Variants in ATF2 observed in about 807,000 individuals in gnomAD.
ATF2 encodes cyclic AMP-dependent transcription factor ATF-2.
A neutral mutation model predicts 60.6 loss-of-function variants in ATF2; 24 were observed. The ratio of observed to expected loss-of-function variants is 0.40; its 90% confidence interval spans 0.29 to 0.56. The LOEUF is 0.56. Ranked by LOEUF, ATF2 falls within the 20% of genes least tolerant of loss-of-function variation. ATF2 has a pLI of 0.54. For synonymous variants in ATF2, 206 were observed against 215.4 expected (o/e 0.96, Z 0.38); for missense variants, 433 against 607.7 (o/e 0.71, Z 3.02).
In ATF2 at chr2:175,074,405, C is replaced by T; in HGVS notation, c.*204G>A. 1 of 428,896 alleles carries T rather than the reference C, an allele frequency of 2.3e-6. No individual in the cohort carries two copies. Among genetic ancestry groups the T allele is most frequent in the African/African-American group, 2.0e-5 (1 of 49,276 alleles). 26.6% of individuals were successfully genotyped at this position (428,896 alleles called of 1,614,324 possible). ...AATCTAATAATATTTATAAAAAAAG[C>T]AAAATCAGTCTTTTTCCAGAGACTA... On this transcript the variant is annotated 3_prime_UTR_variant, in exon 14 of 14. Transcript: ENST00000264110.
At position 175,073,980 on chromosome 2, in the gene ATF2, A is replaced by G. The variant is rs1295542005; in HGVS notation, c.*629T>C. 1.3e-5 allele frequency: 2 copies of G among 152,198 alleles called. No individual in the cohort carries two copies. Among genetic ancestry groups the G allele is most frequent in the African/African-American group, 4.8e-5 (2 of 41,464 alleles). The allele number at this position is 152,198 out of a possible 1,614,324, so 9.4% of individuals were successfully genotyped here. A position where few individuals can be genotyped will look rare whatever the true frequency, so the allele number is the denominator to read the frequency against. ...TCTTAAATAAAAAAGGAAAATGATT[A>G]TAAATGACCTTGATTTAGCTTAACA... is the stretch of plus-strand genomic sequence containing the variant. On this transcript the variant is annotated 3_prime_UTR_variant, in exon 14 of 14. Coordinates refer to ENST00000264110, the MANE Select transcript of ATF2 (RefSeq NM_001880.4).
chr2:175,100,430 A>T (rs1695233834), intron 10 of ATF2, among the ~76,000 whole-genome samples: 1 of 152,178 alleles, frequency 6.6e-6, no homozygotes, highest in South Asian at 2.1e-4. Flanking sequence ...CATTGGTTTG[A>T]TCCCAGACAT....
intron 11 of ATF2, among the ~76,000 whole-genome samples, chr2:175,095,654 C>G (rs951475183): frequency 6.6e-6 from 1 of 152,092 alleles, no homozygotes; most frequent in Non-Finnish European, 1.5e-5. Flanking sequence ...TTCAGAAAAT[C>G]CTTATAGGAA....
At chr2:175,157,802 G>A (rs920549052) in intron 1 of ATF2, among the ~76,000 whole-genome samples, 15 of 152,202 alleles carry the variant, frequency 9.9e-5, no homozygotes, top group Middle Eastern at 3.4e-3. Flanking sequence ...AGACCAGCCT[G>A]GCCAAGATGG....
intron 4 of ATF2, among the ~76,000 whole-genome samples, chr2:175,122,795 A>G (rs1697061960): frequency 6.6e-6 from 1 of 152,046 alleles, no homozygotes; most frequent in African/African-American, 2.4e-5. Context: ...AATAAATGCT[A>G]ACTGAAAGAA....
chr2:175,153,835 G>GAA (rs71031093), intron 1 of ATF2, among the ~76,000 whole-genome samples: 1,961 of 128,976 alleles, frequency 0.015, 46 homozygotes, highest in Non-Finnish European at 0.021. Flanking sequence ...CTGCCTCAAA[G>GAA]AAAAAAAAAA....
In ATF2 at chr2:175,097,690, A is replaced by T. The variant is rs184228717; in HGVS notation, c.829-97T>A. 2.6e-4 allele frequency: 356 copies of T among 1,343,580 alleles called. 1 individual carries two copies. The African/African-American group carries it at 4.7e-3, about 18-fold the overall frequency. The allele number at this position is 1,343,580 out of a possible 1,614,324, so 83.2% of individuals were successfully genotyped here. On this transcript the variant is annotated intron_variant, in intron 10 of 13. Coordinates refer to ENST00000264110, the MANE Select transcript of ATF2 (RefSeq NM_001880.4). ...AATAGCACCTTGGGTAGTTTCCCTG[A>T]GTCCTTTTGCCTAGTACTACTAGAG...
Position 175,080,733 on chromosome 2 carries a change from T to G in ATF2, c.1218A>C (p.Ala406=). 1 of 1,613,156 alleles carries G rather than the reference T, an allele frequency of 6.2e-7. No individual in the cohort carries two copies. Among genetic ancestry groups the G allele is most frequent in the Non-Finnish European group, 8.5e-7 (1 of 1,179,380 alleles). The change falls in exon 13 of 14, where the codon GCA becomes GCC. Residue 406 remains alanine, a synonymous_variant. Transcript: ENST00000264110. The part of the protein sequence containing the change: ...SEVTLLRNEV[A]QLKQLLLAHK... ...GAGCCAGAAGAAGCTGTTTCAGCTG[T>G]GCCACTTCATTTCTCAGCAGGGTGA...
At chr2:175,156,377 C>T (rs374672593) in intron 1 of ATF2, among the ~76,000 whole-genome samples, 2 of 55,980 alleles carry the variant, frequency 3.6e-5, no homozygotes, top group Non-Finnish European at 7.3e-5. Context: ...TCTCAAAAAA[C>T]AAAAAAAAAA....
chr2:175,142,120 T>C (rs898682768), intron 2 of ATF2, among the ~76,000 whole-genome samples: 1 of 152,108 alleles, frequency 6.6e-6, no homozygotes, highest in African/African-American at 2.4e-5. Flanking sequence ...GAACACTTGC[T>C]TGATGTTCTG....
chr2:175,090,560 T>A (rs964235689), intron 12 of ATF2, among the ~76,000 whole-genome samples: 3 of 152,108 alleles, frequency 2.0e-5, no homozygotes, highest in African/African-American at 7.2e-5. Context: ...TCATTTTGGA[T>A]CCTATTTTAA....
chr2:175,136,495 CAA>C lies in ATF2; in HGVS notation c.-43-11_-43-10del, dbSNP rs1477469192. 4 of 1,535,510 alleles carry C rather than the reference CAA, an allele frequency of 2.6e-6. No individual in the cohort carries two copies. Among genetic ancestry groups the C allele is most frequent in the Non-Finnish European group, 3.6e-6 (4 of 1,117,216 alleles). On this transcript the variant is annotated splice_polypyrimidine_tract_variant and intron_variant, in intron 2 of 13. Coordinates refer to ENST00000264110, the MANE Select transcript of ATF2 (RefSeq NM_001880.4). ...TTCTCATGGCAAGAATACTGAAAAA[CAA>C]AGTGGTTTCACACTGTTAAAAATAG... is the stretch of plus-strand genomic sequence containing the variant.
chr2:175,125,417 C>A (rs1244186281), intron 4 of ATF2, among the ~76,000 whole-genome samples: 1 of 151,844 alleles, frequency 6.6e-6, no homozygotes, highest in East Asian at 1.9e-4. Context: ...CGAACACAGG[C>A]CCCCCTAAAA....
intron 5 of ATF2, 27 bp from the exon 6 acceptor site, chr2:175,118,396 T>C (rs1696729471): frequency 6.4e-7 from 1 of 1,562,736 alleles, no homozygotes; most frequent in African/African-American, 1.4e-5. Context: ...GAAGTAATCA[T>C]GCATATTTAA....
At chr2:175,130,425 C>A (rs1462111798) in intron 3 of ATF2, among the ~76,000 whole-genome samples, 1 of 152,068 alleles carries the variant, frequency 6.6e-6, no homozygotes, top group East Asian at 1.9e-4. Flanking sequence ...GTTAGGAACA[C>A]TGCTCTGTCA....
intron 1 of ATF2, among the ~76,000 whole-genome samples, chr2:175,154,398 C>T (rs978346869): frequency 1.3e-5 from 2 of 151,662 alleles, no homozygotes; most frequent in African/African-American, 4.8e-5. Context: ...AACATGGAGC[C>T]GTGATCACCT....
intron 5 of ATF2, among the ~76,000 whole-genome samples, chr2:175,119,897 G>C (rs1199605368): frequency 6.6e-6 from 1 of 151,592 alleles, no homozygotes; most frequent in East Asian, 1.9e-4. Flanking sequence ...GGAACCATCA[G>C]ACTTCAGAAA....
intron 5 of ATF2, among the ~76,000 whole-genome samples, chr2:175,119,624 A>G (rs1263084157): frequency 2.0e-5 from 3 of 151,546 alleles, no homozygotes; most frequent in Non-Finnish European, 3.0e-5. Flanking sequence ...TTATATCATA[A>G]TTTTACTAGT....
intron 12 of ATF2, among the ~76,000 whole-genome samples, chr2:175,091,284 T>A (rs1694530994): frequency 6.6e-6 from 1 of 152,136 alleles, no homozygotes; most frequent in African/African-American, 2.4e-5. Context: ...ATTCTACAGG[T>A]AAGACAACTG....
Sources: gnomAD v4.1 joint callset for allele counts (sites outside exome capture counted in the v4.1 genomes callset) on GRCh38, gnomAD v4.1.1 for gene constraint, MANE v1.5 for transcripts, NCBI Gene and HGNC (gene_info 2026-07-23, HGNC 2026-07-21) for gene names.